CMKLR1: variants seen among roughly 807,000 people sequenced by gnomAD.
CMKLR1 encodes chemerin-like receptor 1.
In CMKLR1, 6 loss-of-function variants were observed where a neutral mutation model predicts 8.2. The ratio of observed to expected loss-of-function variants is 0.73; its 90% CI spans 0.40 to 1.44. The LOEUF (loss-of-function observed/expected upper bound fraction) is 1.44. CMKLR1 is among the 40% of genes most tolerant of loss of function. The pLI, the probability that CMKLR1 is intolerant of heterozygous loss-of-function variation, is 0.02. For synonymous variants in CMKLR1, 178 were observed against 181.2 expected, an observed-to-expected ratio of 0.98 and a Z score of 0.14; for missense variants, 429 against 478.0, an observed-to-expected ratio of 0.90 and a Z score of 0.96.
chr12:108,299,707 A>G (rs1391849663), intron 2 of CMKLR1, among the ~76,000 whole-genome samples: 3 of 152,152 alleles, frequency 2.0e-5, no homozygotes, highest in African/African-American at 7.2e-5. Flanking sequence ...GTGGGGATGG[A>G]GGCAGAGATA....
intron 1 of CMKLR1, among the ~76,000 whole-genome samples, chr12:108,333,337 T>C (rs552610124): frequency 1.9e-4 from 29 of 152,246 alleles, no homozygotes; most frequent in African/African-American, 6.7e-4. Context: ...AGACTGTCTA[T>C]GGTGAAGACA....
intron 2 of CMKLR1, among the ~76,000 whole-genome samples, chr12:108,297,544 C>A (rs1430711410): frequency 6.6e-6 from 1 of 152,170 alleles, no homozygotes; most frequent in East Asian, 1.9e-4. Flanking sequence ...TGCTTGATCT[C>A]TCACTGTATG....
intron 1 of CMKLR1, among the ~76,000 whole-genome samples, chr12:108,334,670 A>G (rs1738514603): frequency 6.6e-6 from 1 of 152,160 alleles, no homozygotes; most frequent in African/African-American, 2.4e-5. Context: ...CATGAACACC[A>G]ACATTCAAAT....
At chr12:108,310,230 A>G (rs1328615502) in intron 2 of CMKLR1, among the ~76,000 whole-genome samples, 1 of 151,374 alleles carries the variant, frequency 6.6e-6, no homozygotes, top group Non-Finnish European at 1.5e-5. Flanking sequence ...AGATGTGGCT[A>G]AGGAAAGAAG....
intron 2 of CMKLR1, among the ~76,000 whole-genome samples, chr12:108,326,758 G>A (rs559357537): frequency 1.3e-5 from 2 of 152,304 alleles, no homozygotes; most frequent in South Asian, 2.1e-4. Context: ...GGGGGCTAGA[G>A]CGGAGGAGGT....
chr12:108,294,256 C>T (rs1011949660), intron 2 of CMKLR1, among the ~76,000 whole-genome samples: 2 of 152,198 alleles, frequency 1.3e-5, no homozygotes, highest in African/African-American at 2.4e-5. Flanking sequence ...CCTATGGGAA[C>T]CATGAATGAG....
chr12:108,321,564 C>CT (rs1187183586), intron 2 of CMKLR1, among the ~76,000 whole-genome samples: 2 of 152,230 alleles, frequency 1.3e-5, no homozygotes, highest in Non-Finnish European at 2.9e-5. Flanking sequence ...CTAACTCTGA[C>CT]TCTGCTGGAG....
chr12:108,298,528 G>C (rs1006059486), intron 2 of CMKLR1, among the ~76,000 whole-genome samples: 2 of 152,242 alleles, frequency 1.3e-5, no homozygotes. Context: ...GATACACCAG[G>C]CCGTCCAGCT....
intron 2 of CMKLR1, among the ~76,000 whole-genome samples, chr12:108,305,968 C>T (rs1014067225): frequency 3.9e-5 from 6 of 152,066 alleles, no homozygotes; most frequent in African/African-American, 1.4e-4. Flanking sequence ...CTCAGGGAGA[C>T]CCCCCCACCC....
rs1019031145 is a variant in CMKLR1, at chr12:108,289,914, C to G, written c.*1927G>C. The G allele has an allele frequency of 5.3e-5, 8 of 152,242 alleles. No homozygotes were observed. Among genetic ancestry groups the G allele is most frequent in the African/African-American group, 1.9e-4 (8 of 41,462 alleles). The allele number at this position is 152,242 out of a possible 1,614,324, so 9.4% of individuals were successfully genotyped here. On this transcript the variant is annotated 3_prime_UTR_variant, in exon 4 of 4. Transcript: ENST00000550402. ...TAGACATTGCATCTGTTCATTGCATCTTGTTGGAGAATCAGCTTAACAATG... is the reference window on the plus strand; with the variant it reads ...TAGACATTGCATCTGTTCATTGCATGTTGTTGGAGAATCAGCTTAACAATG...
Position 108,291,731 on chromosome 12 carries a change from T to C in CMKLR1, c.*110A>G. On this transcript the variant is annotated 3_prime_UTR_variant, in exon 4 of 4. Coordinates refer to ENST00000550402, the MANE Select transcript of CMKLR1 (RefSeq NM_001142343.2). ...AAAACACTGTTCATCCCATGCAAAA[T>C]GCAGTGAAAATTGGTGGATGCTAAA... 4.6e-6 allele frequency: 5 copies of C among 1,097,102 alleles called. No homozygotes were observed. Among genetic ancestry groups the C allele is most frequent in the South Asian group, 1.5e-5 (1 of 65,682 alleles). The allele number at this position is 1,097,102 out of a possible 1,614,324, so 68.0% of individuals were successfully genotyped here.
At chr12:108,301,066 C>A (rs1891255564) in intron 2 of CMKLR1, among the ~76,000 whole-genome samples, 1 of 146,592 alleles carries the variant, frequency 6.8e-6, no homozygotes, top group Non-Finnish European at 1.5e-5. Context: ...AGCATCCACC[C>A]AAGTCTTTTT....
intron 2 of CMKLR1, among the ~76,000 whole-genome samples, chr12:108,304,949 C>A (rs138747103): frequency 6.6e-6 from 1 of 152,236 alleles, no homozygotes; most frequent in Non-Finnish European, 1.5e-5. Flanking sequence ...AAACATTCCT[C>A]GCTCTGCAAA....
chr12:108,291,561 T>C lies in CMKLR1; in HGVS notation c.*280A>G, dbSNP rs1890966203. ...CTATGCCAATCCCAGTTCATGGCAA[T>C]GCTTTTGAGAATTCTTCCTTTTTTG... On this transcript the variant is annotated 3_prime_UTR_variant, in exon 4 of 4. Coordinates refer to ENST00000550402, the MANE Select transcript of CMKLR1 (RefSeq NM_001142343.2). The C allele has an allele frequency of 4.9e-6, 2 of 410,632 alleles. No individual in the cohort carries two copies. The highest frequency in any genetic ancestry group is 6.8e-4 in the Middle Eastern group (1 of 1,474). The allele number at this position is 410,632 out of a possible 1,614,324, so 25.4% of individuals were successfully genotyped here.
intron 2 of CMKLR1, among the ~76,000 whole-genome samples, chr12:108,294,567 T>A (rs1418053372): frequency 6.6e-6 from 1 of 152,192 alleles, no homozygotes; most frequent in Non-Finnish European, 1.5e-5. Context: ...AAATGGGATT[T>A]CTCACCTCAC....
At chr12:108,326,706 G>T (rs1891989446) in intron 2 of CMKLR1, among the ~76,000 whole-genome samples, 1 of 152,178 alleles carries the variant, frequency 6.6e-6, no homozygotes, top group South Asian at 2.1e-4. Context: ...CTCAGTCTCT[G>T]GGCCTCATCA....
At position 108,294,537 on chromosome 12, in the gene CMKLR1, A is replaced by G. The variant is rs576554785; in HGVS notation, c.-73-873T>C. Among the ~76,000 whole-genome samples, 7 of 152,324 alleles carry G rather than the reference A, an allele frequency of 4.6e-5. No homozygotes were observed. The East Asian group carries it at 1.3e-3, about 29-fold the overall frequency. ...TGGGCAAGTGATTTCTCTTCCCTGAATCTCAGTTTTCTTACCAATAAATGG... is the reference window on the plus strand; with the variant it reads ...TGGGCAAGTGATTTCTCTTCCCTGAGTCTCAGTTTTCTTACCAATAAATGG... On this transcript the variant is annotated intron_variant, in intron 2 of 3. Transcript: ENST00000550402.
At chr12:108,296,115 A>G (rs1593158267) in intron 2 of CMKLR1, among the ~76,000 whole-genome samples, 2 of 152,222 alleles carry the variant, frequency 1.3e-5, no homozygotes. Context: ...GTCCTAACAC[A>G]CATCCCTCCT....
intron 2 of CMKLR1, among the ~76,000 whole-genome samples, chr12:108,307,797 A>T (rs1891447374): frequency 1.3e-5 from 2 of 152,244 alleles, no homozygotes; most frequent in Non-Finnish European, 2.9e-5. Flanking sequence ...CCTAACAAGG[A>T]GGTGGTCCTG....
Sources: gnomAD v4.1 joint callset for allele counts (sites outside exome capture counted in the v4.1 genomes callset) on GRCh38, gnomAD v4.1.1 for gene constraint, MANE v1.5 for transcripts, NCBI Gene and HGNC (gene_info 2026-07-23, HGNC 2026-07-21) for gene names.